CSMD1: variants seen among roughly 807,000 people sequenced by gnomAD.
The protein encoded by CSMD1 is CUB and sushi domain-containing protein 1.
CSMD1 carries 213 observed loss-of-function variants against 417.5 expected under a neutral mutation model. That is an observed-to-expected ratio of 0.51 (90% CI 0.46 to 0.57). The LOEUF is 0.57. Among genes scored for constraint, CSMD1 ranks in the 20% least tolerant of loss-of-function variants. CSMD1 has a pLI of 0.00. For synonymous variants in CSMD1, 2,862 were observed against 1,736.8 expected (o/e 1.65, Z -16.11); for missense variants, 6,923 against 4,529.7 (o/e 1.53, Z -15.17).
At position 3,307,332 on chromosome 8, in the gene CSMD1, C is replaced by T. The variant is rs558906236; in HGVS notation, c.3950+363G>A. ...AACCATCCCAGCTGAGGCCCTCACA[C>T]CTAAGGAAGGTCATCCTGGACTGCT... On this transcript the variant is annotated intron_variant, in intron 25 of 69. Coordinates refer to ENST00000635120, the MANE Select transcript of CSMD1 (RefSeq NM_033225.6). Among the ~76,000 whole-genome samples, 5 of 152,160 alleles carry T rather than the reference C, an allele frequency of 3.3e-5. No homozygotes were observed. The South Asian group carries it at 8.3e-4, about 25-fold the overall frequency.
At chr8:4,838,641 C>T (rs1585190599) in intron 1 of CSMD1, among the ~76,000 whole-genome samples, 1 of 152,204 alleles carries the variant, frequency 6.6e-6, no homozygotes, top group Non-Finnish European at 1.5e-5. Flanking sequence ...AAAACAATAG[C>T]TCTATTGCAG....
At chr8:4,934,117 G>A (rs12681182) in intron 1 of CSMD1, among the ~76,000 whole-genome samples, 1 of 152,122 alleles carries the variant, frequency 6.6e-6, no homozygotes, top group Middle Eastern at 3.4e-3. Flanking sequence ...ACCAGGGAGA[G>A]ACCTTTGACA....
chr8:3,783,194 A>C (rs1389731712), intron 5 of CSMD1, among the ~76,000 whole-genome samples: 1 of 152,066 alleles, frequency 6.6e-6, no homozygotes, highest in African/African-American at 2.4e-5. Flanking sequence ...TTGTTCAATC[A>C]CCATTCTTTC....
At chr8:4,517,844 A>T (rs1803208135) in intron 2 of CSMD1, among the ~76,000 whole-genome samples, 1 of 152,212 alleles carries the variant, frequency 6.6e-6, no homozygotes, top group African/African-American at 2.4e-5. Context: ...CAGTTGTCAG[A>T]TGCAAAAGCC....
chr8:4,911,310 G>C (rs1053332462), intron 1 of CSMD1, among the ~76,000 whole-genome samples: 4 of 152,174 alleles, frequency 2.6e-5, no homozygotes, highest in African/African-American at 7.2e-5. Flanking sequence ...ATCAGGTGCT[G>C]AGAGAATAAC....
At chr8:4,922,686 C>T (rs1371863903) in intron 1 of CSMD1, among the ~76,000 whole-genome samples, 1 of 152,174 alleles carries the variant, frequency 6.6e-6, no homozygotes, top group African/African-American at 2.4e-5. Context: ...AGAGCCCCTG[C>T]AGACCTTCAG....
At chr8:4,040,153 T>G (rs1013364146) in intron 3 of CSMD1, among the ~76,000 whole-genome samples, 3 of 152,194 alleles carry the variant, frequency 2.0e-5, no homozygotes, top group African/African-American at 7.2e-5. Context: ...GTCAAGGCTA[T>G]TAATGAAATG....
chr8:4,122,108 C>T (rs1050048558), intron 3 of CSMD1, among the ~76,000 whole-genome samples: 5 of 151,684 alleles, frequency 3.3e-5, no homozygotes, highest in African/African-American at 7.3e-5. Flanking sequence ...AATATTGTAT[C>T]GTATAGGATA....
At chr8:3,904,573 G>A (rs945907150) in intron 5 of CSMD1, among the ~76,000 whole-genome samples, 1 of 151,756 alleles carries the variant, frequency 6.6e-6, no homozygotes, top group African/African-American at 2.4e-5. Context: ...TGGAGAGTTG[G>A]GAATTAAATT....
At chr8:4,068,240 G>T (rs1042322590) in intron 3 of CSMD1, among the ~76,000 whole-genome samples, 1 of 152,144 alleles carries the variant, frequency 6.6e-6, no homozygotes, top group Non-Finnish European at 1.5e-5. Context: ...AAAATGAGGA[G>T]AACCCCTCAA....
chr8:3,864,169 G>C (rs1804919434), intron 5 of CSMD1, among the ~76,000 whole-genome samples: 1 of 152,090 alleles, frequency 6.6e-6, no homozygotes, highest in South Asian at 2.1e-4. Context: ...TAATATTATA[G>C]GAAATCTGCT....
chr8:3,105,983 T>C (rs1354641913), intron 46 of CSMD1, among the ~76,000 whole-genome samples: 2 of 152,226 alleles, frequency 1.3e-5, no homozygotes, highest in Non-Finnish European at 2.9e-5. Flanking sequence ...AGAAACATGA[T>C]TTCTTATTTG....
intron 20 of CSMD1, among the ~76,000 whole-genome samples, chr8:3,364,341 C>G (rs896463087): frequency 6.6e-6 from 1 of 152,140 alleles, no homozygotes; most frequent in South Asian, 2.1e-4. Flanking sequence ...TTGTGTGCAA[C>G]TGTCTAGATG....
chr8:3,709,680 G>GGCT lies in CSMD1; in HGVS notation c.932-1190_932-1189insAGC, dbSNP rs1554518393. 2.3e-3 allele frequency among the ~76,000 whole-genome samples: 78 copies of GGCT among 33,696 alleles called. 13 individuals are homozygous for GGCT. The highest frequency in any genetic ancestry group is 4.3e-3 in the African/African-American group (41 of 9,446). The allele number at this position is 33,696 out of a possible 152,430, so 22.1% of individuals were successfully genotyped here. On this transcript the variant is annotated intron_variant, in intron 6 of 69. Coordinates refer to ENST00000635120, the MANE Select transcript of CSMD1 (RefSeq NM_033225.6). ...GATGGGCTTTAAATTGCAGCAGCAT[G>GGCT]TTTTTTTTTTTTTTTTTTTTTTTTT...
At chr8:3,438,404 G>C (rs974213183) in intron 12 of CSMD1, among the ~76,000 whole-genome samples, 11 of 152,072 alleles carry the variant, frequency 7.2e-5, no homozygotes, top group Non-Finnish European at 1.3e-4. Context: ...GTTGACCCTT[G>C]ATAGCTACAC....
chr8:4,542,888 T>C (rs1797460315), intron 2 of CSMD1, among the ~76,000 whole-genome samples: 1 of 152,314 alleles, frequency 6.6e-6, no homozygotes, highest in Non-Finnish European at 1.5e-5. Context: ...AATAGAAATA[T>C]ATTAGCATTT....
intron 9 of CSMD1, among the ~76,000 whole-genome samples, chr8:3,575,944 C>G (rs2116945724): frequency 6.6e-6 from 1 of 151,748 alleles, no homozygotes; most frequent in South Asian, 2.1e-4. Flanking sequence ...CAGAAAGGAG[C>G]AGAAGAAACT....
chr8:4,583,726 G>A (rs1317232314), intron 2 of CSMD1, among the ~76,000 whole-genome samples: 1 of 152,104 alleles, frequency 6.6e-6, no homozygotes, highest in South Asian at 2.1e-4. Flanking sequence ...ACACCAGTCA[G>A]CACCCTGTCA....
chr8:4,211,101 A>T (rs912106362), intron 3 of CSMD1, among the ~76,000 whole-genome samples: 1 of 152,166 alleles, frequency 6.6e-6, no homozygotes, highest in Admixed American at 6.5e-5. Flanking sequence ...ACATTTTGGG[A>T]ATTTTCTTGC....
Sources: gnomAD v4.1 joint callset for allele counts (sites outside exome capture counted in the v4.1 genomes callset) on GRCh38, gnomAD v4.1.1 for gene constraint, MANE v1.5 for transcripts, NCBI Gene and HGNC (gene_info 2026-07-23, HGNC 2026-07-21) for gene names.